The following SCFD2 variants were observed in gnomAD, a reference collection of about 807,000 sequenced individuals.
SCFD2 encodes sec1 family domain-containing protein 2.
Under a neutral mutation model 58.9 loss-of-function variants are expected in SCFD2, and 54 were observed. That is an observed-to-expected ratio of 0.92 (90% CI 0.74 to 1.15). The LOEUF (loss-of-function observed/expected upper bound fraction) is 1.15. Among genes scored for constraint, SCFD2 ranks in the 50% most tolerant of loss-of-function variants. SCFD2 has a pLI of 0.00. For missense variants in SCFD2, 805 were observed against 836.6 expected, an observed-to-expected ratio of 0.96 and a Z score of 0.47; for synonymous variants, 321 against 335.9, an observed-to-expected ratio of 0.96 and a Z score of 0.49.
intron 5 of SCFD2, among the ~76,000 whole-genome samples, chr4:53,074,806 G>C (rs1269915578): frequency 6.6e-6 from 1 of 152,062 alleles, no homozygotes; most frequent in South Asian, 2.1e-4. Context: ...TGCCATCCAG[G>C]GTTTGTTGTT....
intron 4 of SCFD2, among the ~76,000 whole-genome samples, chr4:53,258,394 A>G (rs1418180264): frequency 4.6e-5 from 7 of 151,594 alleles, no homozygotes; most frequent in Admixed American, 4.6e-4. Context: ...CCTAGTTCCC[A>G]CTTTCGAGTG....
intron 5 of SCFD2, among the ~76,000 whole-genome samples, chr4:52,924,115 T>C (rs1719807843): frequency 6.6e-6 from 1 of 152,208 alleles, no homozygotes; most frequent in African/African-American, 2.4e-5. Context: ...TTAAAGTAAT[T>C]CGTTTTCTAT....
Position 53,219,078 on chromosome 4 carries a change from G to A in SCFD2, c.1311+54748C>T, listed in dbSNP as rs144425184. 8.7e-3 allele frequency among the ~76,000 whole-genome samples: 1,323 copies of A among 152,256 alleles called. 21 individuals carry two copies. The highest frequency in any genetic ancestry group is 0.03 in the African/African-American group (1,244 of 41,556). On this transcript the variant is annotated intron_variant, in intron 4 of 8. Coordinates refer to ENST00000401642, the MANE Select transcript of SCFD2 (RefSeq NM_152540.4). The stretch of plus-strand genomic sequence containing the variant: ...AGGGTGCCTCCCCTTTAGGCTACTC[G>A]GGAGTCAGGGACCCACTGGAGGAGG...
chr4:52,986,918 T>C (rs1314774028), intron 5 of SCFD2, among the ~76,000 whole-genome samples: 1 of 152,228 alleles, frequency 6.6e-6, no homozygotes, highest in African/African-American at 2.4e-5. Context: ...TATTTGAACA[T>C]TTTTATCTAT....
chr4:53,225,865 G>A lies in SCFD2; in HGVS notation c.1311+47961C>T, dbSNP rs536573392. Reference sequence around the variant, plus strand: ...AAATTTGGTGGCTTTCCCCCTTTGTGATTAATGTCATGGCTTTTAGGTTTT... The same window carrying A: ...AAATTTGGTGGCTTTCCCCCTTTGTAATTAATGTCATGGCTTTTAGGTTTT... On this transcript the variant is annotated intron_variant, in intron 4 of 8. Coordinates refer to ENST00000401642, the MANE Select transcript of SCFD2 (RefSeq NM_152540.4). Among the ~76,000 whole-genome samples, 183 of 152,242 alleles carry A rather than the reference G, an allele frequency of 1.2e-3. 1 individual carries two copies. The highest frequency in any genetic ancestry group is 3.4e-3 in the Middle Eastern group (1 of 294).
chr4:53,075,820 T>G (rs1723955811), intron 5 of SCFD2, among the ~76,000 whole-genome samples: 1 of 152,072 alleles, frequency 6.6e-6, no homozygotes, highest in Admixed American at 6.6e-5. Flanking sequence ...ATGACAGATA[T>G]AAAAATAATG....
intron 5 of SCFD2, among the ~76,000 whole-genome samples, chr4:53,136,506 T>C (rs1725947541): frequency 1.3e-5 from 2 of 152,196 alleles, no homozygotes; most frequent in Admixed American, 6.5e-5. Context: ...AGAATTGTCA[T>C]GGAAAACCTG....
At position 53,031,963 on chromosome 4, in the gene SCFD2, G is replaced by T. The variant is rs57588057; in HGVS notation, c.1562-111093C>A. On this transcript the variant is annotated intron_variant, in intron 5 of 8. Transcript: ENST00000401642. ...ACACCACAAAGATACTCCTAGAGAA[G>T]AGCAACTCCAAGACATGCAATCATC... Among the ~76,000 whole-genome samples, 701 of 152,232 alleles carry T rather than the reference G, an allele frequency of 4.6e-3. 9 individuals carry two copies. Among genetic ancestry groups the T allele is most frequent in the African/African-American group, 0.016 (661 of 41,536 alleles).
chr4:53,035,082 A>G (rs1722720862), intron 5 of SCFD2, among the ~76,000 whole-genome samples: 1 of 152,210 alleles, frequency 6.6e-6, no homozygotes, highest in Admixed American at 6.5e-5. Flanking sequence ...CTAGACTGCA[A>G]GGCCACAGTA....
chr4:53,186,056 G>A (rs1727727848), intron 4 of SCFD2, among the ~76,000 whole-genome samples: 1 of 152,120 alleles, frequency 6.6e-6, no homozygotes, highest in African/African-American at 2.4e-5. Context: ...CATGAAAACA[G>A]TGCTTAACAT....
At chr4:53,117,784 C>T (rs1243926508) in intron 5 of SCFD2, among the ~76,000 whole-genome samples, 2 of 151,994 alleles carry the variant, frequency 1.3e-5, no homozygotes, top group African/African-American at 4.8e-5. Flanking sequence ...TCTTGATATA[C>T]CAAAACACCA....
rs186986907 is a variant in SCFD2, at chr4:53,302,522, T to C, written c.1135+11114A>G. ...ATCAATATCATGAAAATGGCCATAC[T>C]GCCCAAGGTAATTTATAGATTCAAT... On this transcript the variant is annotated intron_variant, in intron 3 of 8. Coordinates refer to ENST00000401642, the MANE Select transcript of SCFD2 (RefSeq NM_152540.4). Among the ~76,000 whole-genome samples, 1,355 of 152,300 alleles carry C rather than the reference T, an allele frequency of 8.9e-3. 12 individuals carry two copies. Among genetic ancestry groups the C allele is most frequent in the Middle Eastern group, 0.048 (14 of 294 alleles).
At chr4:53,357,983 G>A (rs1734447869) in intron 1 of SCFD2, among the ~76,000 whole-genome samples, 1 of 152,122 alleles carries the variant, frequency 6.6e-6, no homozygotes, top group Non-Finnish European at 1.5e-5. Context: ...CTGTGCTTCA[G>A]TTTCATCCGT....
At chr4:53,045,747 A>G (rs1404405383) in intron 5 of SCFD2, among the ~76,000 whole-genome samples, 2 of 152,194 alleles carry the variant, frequency 1.3e-5, no homozygotes, top group African/African-American at 4.8e-5. Context: ...GACTGAATGA[A>G]TTAATCTACC....
intron 7 of SCFD2, among the ~76,000 whole-genome samples, chr4:52,899,189 A>C (rs909500846): frequency 6.6e-6 from 1 of 152,176 alleles, no homozygotes; most frequent in Admixed American, 6.5e-5. Flanking sequence ...TGATCCTGTC[A>C]TTATGATGTT....
intron 2 of SCFD2, among the ~76,000 whole-genome samples, chr4:53,323,983 G>C (rs1252074638): frequency 6.6e-6 from 1 of 151,916 alleles, no homozygotes; most frequent in East Asian, 1.9e-4. Context: ...CCAAATAAAG[G>C]GATAACAAGC....
chr4:53,266,361 TCTCA>T (rs1468181570), intron 4 of SCFD2, among the ~76,000 whole-genome samples: 3 of 152,190 alleles, frequency 2.0e-5, no homozygotes, highest in African/African-American at 7.2e-5. Flanking sequence ...ACACATATAG[TCTCA>T]CTCAATCCTG....
intron 4 of SCFD2, among the ~76,000 whole-genome samples, chr4:53,186,039 T>C (rs941263056): frequency 2.0e-5 from 3 of 152,128 alleles, no homozygotes; most frequent in African/African-American, 4.8e-5. Flanking sequence ...TTTGTTCAAG[T>C]TGTGATCATG....
intron 5 of SCFD2, among the ~76,000 whole-genome samples, chr4:52,927,633 T>C (rs1434773554): frequency 6.6e-6 from 1 of 152,224 alleles, no homozygotes; most frequent in Non-Finnish European, 1.5e-5. Flanking sequence ...GAACATTTAA[T>C]TAAATCTTGC....
Sources: allele counts gnomAD v4.1 joint callset (sites outside exome capture counted in the v4.1 genomes callset), GRCh38; gene constraint gnomAD v4.1.1; transcripts MANE v1.5; gene names NCBI Gene and HGNC (gene_info 2026-07-23, HGNC 2026-07-21).